Variants in PCSK6 observed in about 807,000 individuals in gnomAD.
PCSK6 encodes proprotein convertase subtilisin/kexin type 6, also known as paired basic amino acid cleaving enzyme 4.
Under a neutral mutation model 123.3 loss-of-function variants are expected in PCSK6, and 85 were observed. The observed-to-expected ratio is 0.69, with a 90% CI of 0.58 to 0.83. The LOEUF is 0.83. PCSK6 is among the 40% of genes least tolerant of loss of function. PCSK6 has a pLI of 0.00. For synonymous variants in PCSK6, 508 were observed against 516.0 expected (o/e 0.98, Z 0.21); for missense variants, 1,191 against 1,282.3 (o/e 0.93, Z 1.09).
chr15:101,422,843 A>G (rs28540704), intron 6 of PCSK6, among the ~76,000 whole-genome samples: 3,022 of 151,876 alleles, frequency 0.02, 105 homozygotes, highest in African/African-American at 0.069. Context: ...GGATGGTCTC[A>G]ATCTCCTGAT....
At position 101,310,016 on chromosome 15, in the gene PCSK6, C is replaced by T. The variant is rs547092320; in HGVS notation, c.2700-2691G>A. 3.3e-5 allele frequency among the ~76,000 whole-genome samples: 5 copies of T among 152,350 alleles called. No homozygotes were observed. The South Asian group carries it at 1.0e-3, about 32-fold the overall frequency. On this transcript the variant is annotated intron_variant, in intron 20 of 21. Coordinates refer to ENST00000611716, the MANE Select transcript of PCSK6 (RefSeq NM_002570.5). Reference sequence around the variant, plus strand: ...ACGCAGCCCGTCTGGCCACATGCTCCCTCGGAGCTGCCTGGCACAGCAGCA... The same window carrying T: ...ACGCAGCCCGTCTGGCCACATGCTCTCTCGGAGCTGCCTGGCACAGCAGCA...
intron 1 of PCSK6, among the ~76,000 whole-genome samples, chr15:101,472,173 T>C (rs551027532): frequency 7.2e-5 from 11 of 152,334 alleles, no homozygotes; most frequent in African/African-American, 2.6e-4. Context: ...ACGGCACTTG[T>C]TGGCTTGAGT....
chr15:101,319,961 C>T (rs914150742), intron 18 of PCSK6, among the ~76,000 whole-genome samples: 2 of 152,132 alleles, frequency 1.3e-5, no homozygotes, highest in African/African-American at 4.8e-5. Context: ...TGGCTGGTCA[C>T]TCAGAAGCAC....
At chr15:101,346,869 C>T in intron 13 of PCSK6, 1 of 1,231,618 alleles carries the variant, frequency 8.1e-7, no homozygotes, top group Middle Eastern at 3.1e-4. Context: ...TGCACAGCAG[C>T]AGTTGGTTGC....
chr15:101,377,154 A>G (rs2041770944), intron 11 of PCSK6, among the ~76,000 whole-genome samples: 1 of 152,220 alleles, frequency 6.6e-6, no homozygotes, highest in Non-Finnish European at 1.5e-5. Context: ...TGGCCTCACC[A>G]GCTTGCCCAG....
intron 15 of PCSK6, among the ~76,000 whole-genome samples, chr15:101,329,999 C>T (rs918648733): frequency 2.0e-5 from 3 of 152,202 alleles, no homozygotes; most frequent in African/African-American, 2.4e-5. Flanking sequence ...AGTCTCTGGG[C>T]GGGGGGACAG....
chr15:101,448,544 T>C (rs766091583), intron 1 of PCSK6, among the ~76,000 whole-genome samples: 2 of 152,246 alleles, frequency 1.3e-5, no homozygotes, highest in Non-Finnish European at 2.9e-5. Context: ...AGCTGACGCT[T>C]GCTGGGCACA....
At chr15:101,414,647 AT>A (rs1472224051) in intron 6 of PCSK6, among the ~76,000 whole-genome samples, 3 of 152,318 alleles carry the variant, frequency 2.0e-5, no homozygotes, top group Non-Finnish European at 4.4e-5. Context: ...AGAAAAACAG[AT>A]TTAGAATGTA....
chr15:101,394,097 C>T (rs1446506075), intron 7 of PCSK6, among the ~76,000 whole-genome samples: 1 of 151,380 alleles, frequency 6.6e-6, no homozygotes, highest in African/African-American at 2.4e-5. Flanking sequence ...TAGCCAAGGC[C>T]AGGGCCTCAT....
chr15:101,307,277 G>A lies in PCSK6; in HGVS notation c.2748C>T (p.Ser916=). Residue 916 remains serine, a synonymous_variant, in exon 21 of 22, where the codon AGC becomes AGT. Coordinates refer to ENST00000611716, the MANE Select transcript of PCSK6 (RefSeq NM_002570.5). ...GCTGTGTGAAGCCCGTCTTACACCT[G>A]CTACAGTTCCTGCTGGAGCCTGCAC... The part of the protein sequence containing the change: ...LSCAGSSRNC[S]RCKTGFTQLG... 1 of 1,613,792 alleles carries A rather than the reference G, an allele frequency of 6.2e-7. No homozygotes were observed. Among genetic ancestry groups the A allele is most frequent in the East Asian group, 2.2e-5 (1 of 44,876 alleles).
At chr15:101,355,016 T>A (rs899916138) in intron 13 of PCSK6, among the ~76,000 whole-genome samples, 1 of 152,230 alleles carries the variant, frequency 6.6e-6, no homozygotes, top group Admixed American at 6.5e-5. Context: ...CTAATCATCA[T>A]CCTATTCCTC....
intron 20 of PCSK6, among the ~76,000 whole-genome samples, chr15:101,310,658 G>C (rs993107092): frequency 6.6e-6 from 1 of 152,164 alleles, no homozygotes; most frequent in South Asian, 2.1e-4. Flanking sequence ...GATGCTTGCC[G>C]AGATACGTAA....
chr15:101,311,464 T>C (rs2039861050), intron 20 of PCSK6, among the ~76,000 whole-genome samples: 1 of 151,984 alleles, frequency 6.6e-6, no homozygotes, highest in Admixed American at 6.5e-5. Context: ...CCATGTGATG[T>C]GCTGCCCTTG....
chr15:101,419,572 C>A, intron 6 of PCSK6, among the ~76,000 whole-genome samples: 1 of 149,688 alleles, frequency 6.7e-6, no homozygotes, highest in African/African-American at 2.5e-5. Flanking sequence ...CAAGCAGATT[C>A]TCAAGTTCAT....
At chr15:101,318,928 G>A (rs2040054897) in intron 18 of PCSK6, among the ~76,000 whole-genome samples, 1 of 152,128 alleles carries the variant, frequency 6.6e-6, no homozygotes, top group Admixed American at 6.5e-5. Flanking sequence ...GAAATAAGAC[G>A]CCCTCTGGAG....
intron 13 of PCSK6, among the ~76,000 whole-genome samples, chr15:101,349,716 G>A (rs1037009029): frequency 6.6e-6 from 1 of 152,094 alleles, no homozygotes; most frequent in Admixed American, 6.5e-5. Context: ...AGGTCTCCCA[G>A]CCCGTCACCG....
chr15:101,329,103 G>A (rs1272824892), intron 15 of PCSK6, among the ~76,000 whole-genome samples: 3 of 152,172 alleles, frequency 2.0e-5, no homozygotes, highest in Non-Finnish European at 4.4e-5. Context: ...CTTCATACAA[G>A]GGGGGCTCCG....
At chr15:101,395,938 TAC>T (rs1281479045) in intron 7 of PCSK6, among the ~76,000 whole-genome samples, 14 of 152,122 alleles carry the variant, frequency 9.2e-5, no homozygotes, top group African/African-American at 2.9e-4. Context: ...TTACAGCTTC[TAC>T]AGTCTCTCAC....
At chr15:101,361,162 C>CTTTTTTTTTTTTTTTTTTTTTTTTTT (rs1567164681) in intron 13 of PCSK6, among the ~76,000 whole-genome samples, 1 of 120,012 alleles carries the variant, frequency 8.3e-6, no homozygotes. Flanking sequence ...TTCTTTCTCT[C>CTTTTTTTTTTTTTTTTTTTTTTTTTT]TCTTTTTTTT....
Sources: gnomAD v4.1 joint callset for allele counts (sites outside exome capture counted in the v4.1 genomes callset) on GRCh38, gnomAD v4.1.1 for gene constraint, MANE v1.5 for transcripts, NCBI Gene and HGNC (gene_info 2026-07-23, HGNC 2026-07-21) for gene names.